NFATC2: variants seen among roughly 807,000 people sequenced by gnomAD.
The protein encoded by NFATC2 is nuclear factor of activated T cells 2.
A neutral mutation model predicts 87.3 loss-of-function variants in NFATC2; 22 were observed. That is an observed-to-expected ratio of 0.25 (90% CI 0.18 to 0.36). The LOEUF is 0.36. NFATC2 is among the 10% of genes least tolerant of loss of function. The pLI, the probability that NFATC2 is intolerant of heterozygous loss-of-function variation, is 1.00. For missense variants in NFATC2, 1,149 were observed against 1,259.1 expected (o/e 0.91, Z 1.32); for synonymous variants, 565 against 542.2 (o/e 1.04, Z -0.58).
At chr20:51,475,308 A>T in intron 4 of NFATC2, 150 bp downstream of exon 4, 1 of 774,446 alleles carries the variant, frequency 1.3e-6, no homozygotes, top group East Asian at 2.6e-5. Flanking sequence ...TTAAAACAGA[A>T]ATCACAACGG....
chr20:51,562,512 C>T lies in NFATC2; in HGVS notation c.70+48G>A. The stretch of plus-strand genomic sequence containing the variant: ...CCGGGACGGGAGCAGCAGGAAAGGG[C>T]CGGGAGGAGCGAGCGGAAAAGGCTG... On this transcript the variant is annotated intron_variant, in intron 1 of 10. Transcript: ENST00000414705. The surrounding 1 kb of genome is among the most constrained non-coding windows in gnomAD (Gnocchi z 5.8). 6.7e-7 allele frequency: 1 copy of T among 1,495,592 alleles called. No homozygotes were observed. Among genetic ancestry groups the T allele is most frequent in the Non-Finnish European group, 9.1e-7 (1 of 1,098,966 alleles). 92.6% of individuals were successfully genotyped at this position (1,495,592 alleles called of 1,614,324 possible).
At chr20:51,513,109 T>G (rs1400972374) in intron 3 of NFATC2, among the ~76,000 whole-genome samples, 1 of 152,226 alleles carries the variant, frequency 6.6e-6, no homozygotes, top group East Asian at 1.9e-4. Flanking sequence ...AAATGACTTT[T>G]TAAAAAGACT....
At chr20:51,519,148 A>G (rs1400270442) in intron 2 of NFATC2, among the ~76,000 whole-genome samples, 1 of 152,162 alleles carries the variant, frequency 6.6e-6, no homozygotes, top group Non-Finnish European at 1.5e-5. Flanking sequence ...TACCCATATC[A>G]TATACACAAG....
intron 8 of NFATC2, among the ~76,000 whole-genome samples, chr20:51,434,604 T>G (rs1399553821): frequency 6.6e-6 from 1 of 152,236 alleles, no homozygotes; most frequent in African/African-American, 2.4e-5. Flanking sequence ...ATTCTTACCC[T>G]GTAGTGTTCA....
chr20:51,471,422 G>A (rs1259935762), intron 5 of NFATC2, among the ~76,000 whole-genome samples: 1 of 152,188 alleles, frequency 6.6e-6, no homozygotes, highest in Non-Finnish European at 1.5e-5. Flanking sequence ...GGACAGGAGT[G>A]GGGTCTACTG....
upstream of NFATC2, among the ~76,000 whole-genome samples, chr20:51,543,559 G>C (rs774592634): frequency 6.6e-6 from 1 of 152,206 alleles, no homozygotes; most frequent in African/African-American, 2.4e-5. Context: ...CGAAGGGGCT[G>C]GGTGTGCTGG....
At chr20:51,549,262 TTTTG>T (rs60791870) in intron 1 of NFATC2, among the ~76,000 whole-genome samples, 71,937 of 151,402 alleles carry the variant, frequency 0.48, 19,136 homozygotes, top group African/African-American at 0.73. Context: ...TTTTTGGTTT[TTTTG>T]TTTGTTTGTT....
chr20:51,414,271 T>G (rs1024858767), intron 9 of NFATC2, among the ~76,000 whole-genome samples: 2 of 151,966 alleles, frequency 1.3e-5, no homozygotes, highest in Admixed American at 1.3e-4. Context: ...AATAAATAAA[T>G]AAATAAATGG....
At chr20:51,543,217 A>T (rs546528774), upstream of NFATC2, among the ~76,000 whole-genome samples, 39 of 152,312 alleles carry the variant, frequency 2.6e-4, no homozygotes, top group Admixed American at 2.4e-3. Flanking sequence ...TCGGACTGAC[A>T]GCACTAGTCC....
At chr20:51,536,217 G>A (rs1390814992) in intron 1 of NFATC2, among the ~76,000 whole-genome samples, 4 of 152,166 alleles carry the variant, frequency 2.6e-5, no homozygotes, top group East Asian at 1.9e-4. Flanking sequence ...AGAGGTGAAC[G>A]TGCACACATC....
At chr20:51,434,928 T>C (rs1983334886) in intron 8 of NFATC2, among the ~76,000 whole-genome samples, 1 of 152,108 alleles carries the variant, frequency 6.6e-6, no homozygotes. Flanking sequence ...TATTCCCCCT[T>C]CCCCTAAAGG....
chr20:51,437,790 CTTGGTCCCTGCTGAA>C (rs1180888428), intron 6 of NFATC2, among the ~76,000 whole-genome samples: 1 of 152,140 alleles, frequency 6.6e-6, no homozygotes, highest in Non-Finnish European at 1.5e-5. Context: ...TCTAGTGTCC[CTTGGTCCCTGCTGAA>C]GGGACCAAGT....
intron 3 of NFATC2, among the ~76,000 whole-genome samples, chr20:51,508,403 G>A (rs1309942778): frequency 1.3e-4 from 20 of 152,154 alleles, no homozygotes; most frequent in Admixed American, 1.0e-3. Context: ...CCGGGGACAC[G>A]TGCGGCGGGG....
At chr20:51,419,737 C>T (rs1469070851) in intron 9 of NFATC2, among the ~76,000 whole-genome samples, 4 of 152,194 alleles carry the variant, frequency 2.6e-5, no homozygotes, top group Non-Finnish European at 4.4e-5. Flanking sequence ...GACTCCATAA[C>T]ACCGCAAGGA....
Position 51,497,953 on chromosome 20 carries a change from C to T in NFATC2, c.1332+18831G>A, listed in dbSNP as rs941003322. Among the ~76,000 whole-genome samples the T allele has an allele frequency of 3.3e-5, 5 of 152,160 alleles. No individual in the cohort carries two copies. The South Asian group carries it at 8.3e-4, about 25-fold the overall frequency. Reference sequence around the variant, plus strand: ...CTCAAAAACCACAAGGGAACACCCACGGCATACTTCTTGATTAAAAAAGGA... The same window carrying T: ...CTCAAAAACCACAAGGGAACACCCATGGCATACTTCTTGATTAAAAAAGGA... On this transcript the variant is annotated intron_variant, in intron 3 of 10. Transcript: ENST00000371564.
At chr20:51,472,555 T>C (rs934767401) in intron 5 of NFATC2, among the ~76,000 whole-genome samples, 1 of 152,020 alleles carries the variant, frequency 6.6e-6, no homozygotes, top group East Asian at 1.9e-4. Context: ...CAAATGTTCT[T>C]AGAAGAAAGA....
At chr20:51,408,514 A>T (rs1013280639) in intron 9 of NFATC2, among the ~76,000 whole-genome samples, 4 of 143,162 alleles carry the variant, frequency 2.8e-5, no homozygotes, top group African/African-American at 1.1e-4. Flanking sequence ...ACTCTTTTTA[A>T]AAAAAAAAAA....
chr20:51,475,436 G>C (rs764068627), intron 4 of NFATC2, 22 bp downstream of exon 4: 1 of 1,612,016 alleles, frequency 6.2e-7, no homozygotes, highest in South Asian at 1.1e-5. Context: ...AAGACCCGCC[G>C]CCCTCAGCTC....
At chr20:51,504,999 C>CTTTTTTTTTTTTTTTT (rs34489487) in intron 3 of NFATC2, among the ~76,000 whole-genome samples, 1 of 72,484 alleles carries the variant, frequency 1.4e-5, no homozygotes, top group Non-Finnish European at 2.4e-5. Flanking sequence ...TATCTAGTTC[C>CTTTTTTTTTTTTTTTT]TTTTTTTTTT....
Sources: gnomAD v4.1 joint callset for allele counts (sites outside exome capture counted in the v4.1 genomes callset) on GRCh38, gnomAD v4.1.1 for gene constraint, Gnocchi (gnomAD v3.1) non-coding constraint, MANE v1.5 for transcripts, NCBI Gene and HGNC (gene_info 2026-07-23, HGNC 2026-07-21) for gene names.